The following AGBL1 variants were observed in gnomAD, a reference collection of about 807,000 sequenced individuals.
AGBL1 encodes the protein cytosolic carboxypeptidase 4.
A neutral mutation model predicts 118.9 loss-of-function variants in AGBL1; 130 were observed. The observed-to-expected ratio is 1.09, with a 90% CI of 0.95 to 1.26. The LOEUF (loss-of-function observed/expected upper bound fraction) is 1.26. Ranked by LOEUF, AGBL1 falls within the 50% of genes most tolerant of loss-of-function variation. The pLI is 0.00. For synonymous variants in AGBL1, 555 were observed against 478.9 expected, an observed-to-expected ratio of 1.16 and a Z score of -2.08; for missense variants, 1,584 against 1,298.1, an observed-to-expected ratio of 1.22 and a Z score of -3.38.
At chr15:86,181,413 A>C (rs2077551270) in intron 5 of AGBL1, among the ~76,000 whole-genome samples, 1 of 152,120 alleles carries the variant, frequency 6.6e-6, no homozygotes, top group Non-Finnish European at 1.5e-5. Context: ...GCCAGATTAA[A>C]AAGTATATAC....
At chr15:86,681,323 T>C (rs2085951822) in intron 22 of AGBL1, among the ~76,000 whole-genome samples, 1 of 152,204 alleles carries the variant, frequency 6.6e-6, no homozygotes, top group Non-Finnish European at 1.5e-5. Context: ...TCCTCATCTT[T>C]CATGAGTTTC....
intron 19 of AGBL1, among the ~76,000 whole-genome samples, chr15:86,537,205 A>T (rs1250329874): frequency 1.3e-5 from 2 of 152,232 alleles, no homozygotes; most frequent in East Asian, 3.8e-4. Flanking sequence ...GTTTAGCCAG[A>T]CAATATAGAA....
intron 21 of AGBL1, among the ~76,000 whole-genome samples, chr15:86,580,165 A>G (rs151048096): frequency 6.6e-6 from 1 of 152,334 alleles, no homozygotes; most frequent in East Asian, 1.9e-4. Context: ...ACTTTCTAAC[A>G]TATACTCATT....
At chr15:86,530,016 A>T (rs1019771490) in intron 19 of AGBL1, among the ~76,000 whole-genome samples, 1 of 134,606 alleles carries the variant, frequency 7.4e-6, no homozygotes, top group East Asian at 2.1e-4. Context: ...GCCAAAATGT[A>T]AAGACCATCG....
chr15:87,005,674 C>A (rs113574476), intron 24 of AGBL1, among the ~76,000 whole-genome samples: 13,347 of 152,194 alleles, frequency 0.088, 787 homozygotes, highest in East Asian at 0.27. Flanking sequence ...TCATCTGAAG[C>A]CTTCTTTTCT....
At chr15:86,364,958 C>CACATATATATAT (rs1474501613) in intron 17 of AGBL1, among the ~76,000 whole-genome samples, 1 of 76,138 alleles carries the variant, frequency 1.3e-5, no homozygotes, top group African/African-American at 3.8e-5. Flanking sequence ...ATATGTCACA[C>CACATATATATAT]ATATATATAT....
intron 21 of AGBL1, among the ~76,000 whole-genome samples, chr15:86,643,074 G>T (rs866244958): frequency 5.9e-5 from 9 of 152,054 alleles, no homozygotes; most frequent in Admixed American, 1.3e-4. Context: ...TTTTAGGCTG[G>T]CTCACTGCAT....
rs1336176636 is a variant in AGBL1, at chr15:86,472,592, C to T, written c.2556-50218C>T. Among the ~76,000 whole-genome samples the T allele has an allele frequency of 2.6e-5, 4 of 152,092 alleles. 1 individual carries two copies. The highest frequency in any genetic ancestry group is 9.7e-5 in the African/African-American group (4 of 41,396). Reference sequence around the variant, plus strand: ...ATAAATATTGCAACTGGAGAACATGCTAATTGGAGAACATTTAAAAAATAT... The same window carrying T: ...ATAAATATTGCAACTGGAGAACATGTTAATTGGAGAACATTTAAAAAATAT... On this transcript the variant is annotated intron_variant, in intron 18 of 22. Coordinates refer to ENST00000614907, the MANE Select transcript of AGBL1 (RefSeq NM_001386094.1).
In AGBL1 at chr15:86,256,950, C is replaced by T. The variant is rs762669952; in HGVS notation, c.833C>T (p.Ala278Val). 21 of 1,613,958 alleles carry T rather than the reference C, an allele frequency of 1.3e-5. No homozygotes were observed. The highest frequency in any genetic ancestry group is 1.7e-5 in the Non-Finnish European group (20 of 1,179,886). Reference sequence around the variant, plus strand: ...ACGAGTCCACTTCCCTTGGTCACAGCCAGCAGTGCCTATGCCTTCCCGGTC... The same window carrying T: ...ACGAGTCCACTTCCCTTGGTCACAGTCAGCAGTGCCTATGCCTTCCCGGTC... The part of the protein sequence containing the change: ...YPTSPLPLVT[A>V]SSAYAFPVPG... The change falls in exon 8 of 23, where the codon GCC becomes GTC. Residue 278 changes from alanine to valine, a missense_variant. Ala to Val is a moderately conservative substitution (Grantham distance 64). Transcript: ENST00000614907.
At chr15:87,019,230 A>AAGATACTCAGAACCTGAACTCGGCTCTGG (rs2081638064) in intron 24 of AGBL1, among the ~76,000 whole-genome samples, 1 of 152,134 alleles carries the variant, frequency 6.6e-6, no homozygotes, top group African/African-American at 2.4e-5. Context: ...AAAATTAGCA[A>AAGATACTCAGAACCTGAACTCGGCTCTGG]AGATACTCAG....
intron 21 of AGBL1, among the ~76,000 whole-genome samples, chr15:86,632,117 A>G (rs1055091591): frequency 3.3e-5 from 5 of 150,806 alleles, no homozygotes; most frequent in African/African-American, 1.2e-4. Flanking sequence ...TTTTTTTTAA[A>G]GTTAACCAGG....
chr15:87,016,119 C>T (rs1444084152), intron 24 of AGBL1, among the ~76,000 whole-genome samples: 1 of 152,174 alleles, frequency 6.6e-6, no homozygotes. Flanking sequence ...TAATGCTTTC[C>T]ATATCACGTC....
At chr15:86,898,409 A>C (rs1378218355) in intron 22 of AGBL1, among the ~76,000 whole-genome samples, 2 of 152,192 alleles carry the variant, frequency 1.3e-5, no homozygotes, top group African/African-American at 4.8e-5. Context: ...GTCCAGCTTC[A>C]ATCTGCTGCA....
rs986228065 is a variant in AGBL1 at position 86,689,841 on chromosome 15, G to A, written c.3158+15405G>A. ...ATACTAAAAAGATAAAAGTGGATAAGGATAAATTCTGCTCAAAGTGTTCCT... is the reference window on the plus strand; with the variant it reads ...ATACTAAAAAGATAAAAGTGGATAAAGATAAATTCTGCTCAAAGTGTTCCT... On this transcript the variant is annotated intron_variant, in intron 22 of 22. Coordinates refer to ENST00000614907, the MANE Select transcript of AGBL1 (RefSeq NM_001386094.1). Among the ~76,000 whole-genome samples, 15 of 152,130 alleles carry A rather than the reference G, an allele frequency of 9.9e-5. 2 individuals are homozygous for A. The highest frequency in any genetic ancestry group is 9.8e-4 in the Admixed American group (15 of 15,268).
chr15:86,984,597 C>A (rs908850162), intron 23 of AGBL1, among the ~76,000 whole-genome samples: 1 of 152,088 alleles, frequency 6.6e-6, no homozygotes, highest in Non-Finnish European at 1.5e-5. Flanking sequence ...AACACCTGAC[C>A]TTGTGATCCA....
chr15:86,375,190 A>G (rs1218327987), intron 17 of AGBL1, among the ~76,000 whole-genome samples: 1 of 152,158 alleles, frequency 6.6e-6, no homozygotes, highest in Non-Finnish European at 1.5e-5. Flanking sequence ...CACACTGCCT[A>G]AGGCTAAGTA....
At chr15:86,112,479 T>G (rs1009256122) in intron 1 of AGBL1, among the ~76,000 whole-genome samples, 1 of 152,256 alleles carries the variant, frequency 6.6e-6, no homozygotes, top group African/African-American at 2.4e-5. Flanking sequence ...ATTGTTCCAT[T>G]GTATTATGGC....
chr15:86,252,580 C>G (rs967844728), intron 7 of AGBL1, among the ~76,000 whole-genome samples: 3 of 152,140 alleles, frequency 2.0e-5, no homozygotes, highest in African/African-American at 7.2e-5. Context: ...TAATAGCAGA[C>G]TTTGTGTAAC....
At chr15:86,244,534 G>A (rs1178979376) in intron 6 of AGBL1, among the ~76,000 whole-genome samples, 1 of 151,920 alleles carries the variant, frequency 6.6e-6, no homozygotes, top group Non-Finnish European at 1.5e-5. Context: ...GCGGGGGAAG[G>A]AGGTTTAGCT....
Sources: allele counts gnomAD v4.1 joint callset (sites outside exome capture counted in the v4.1 genomes callset), GRCh38; gene constraint gnomAD v4.1.1; transcripts MANE v1.5; gene names NCBI Gene and HGNC (gene_info 2026-07-23, HGNC 2026-07-21).